The following MEI4 variants were observed in gnomAD, a reference collection of about 807,000 sequenced individuals.
MEI4 encodes meiosis-specific protein MEI4.
A neutral mutation model predicts 31.4 loss-of-function variants in MEI4; 27 were observed. That is an observed-to-expected ratio of 0.86 (90% CI 0.63 to 1.19). The LOEUF is 1.19. MEI4 is among the 50% of genes most tolerant of loss of function. The probability of loss-of-function intolerance (pLI) is 0.00; values close to 1 mark genes in which losing one functional copy is unlikely to be tolerated. For synonymous variants in MEI4, 122 were observed against 145.4 expected (o/e 0.84, Z 1.16); for missense variants, 329 against 398.9 (o/e 0.82, Z 1.49).
intron 3 of MEI4, among the ~76,000 whole-genome samples, chr6:77,826,822 A>G (rs1174273934): frequency 1.3e-5 from 2 of 152,162 alleles, no homozygotes; most frequent in African/African-American, 2.4e-5. Flanking sequence ...TAACTTTACA[A>G]TAATTCACGG....
chr6:77,905,498 T>C lies in MEI4; in HGVS notation c.901-17591T>C, dbSNP rs1359960719. Among the ~76,000 whole-genome samples, 26 of 34,924 alleles carry C rather than the reference T, an allele frequency of 7.4e-4. 1 individual carries two copies. The highest frequency in any genetic ancestry group is 1.1e-3 in the Non-Finnish European group (21 of 18,502). The allele number at this position is 34,924 out of a possible 152,430, so 22.9% of individuals were successfully genotyped here. A position where few individuals can be genotyped will look rare whatever the true frequency, so the allele number is the denominator to read the frequency against. Reference sequence around the variant, plus strand: ...AGCTTTTTTTTTTTTTTTTTTTTTTTTTTTTTTTTTTTTTTTGTGGCAGAG... The same window carrying C: ...AGCTTTTTTTTTTTTTTTTTTTTTTCTTTTTTTTTTTTTTTTGTGGCAGAG... On this transcript the variant is annotated intron_variant, in intron 4 of 4. Transcript: ENST00000684080.
intron 4 of MEI4, among the ~76,000 whole-genome samples, chr6:77,854,721 G>A (rs1025644130): frequency 6.6e-6 from 1 of 152,034 alleles, no homozygotes; most frequent in Non-Finnish European, 1.5e-5. Flanking sequence ...TGTGGTAGTG[G>A]GGTGGTCATA....
intron 3 of MEI4, among the ~76,000 whole-genome samples, chr6:77,765,115 C>A (rs1458035502): frequency 6.6e-6 from 1 of 152,134 alleles, no homozygotes; most frequent in Non-Finnish European, 1.5e-5. Flanking sequence ...AGTTAACTAA[C>A]CTCCAAGTTC....
rs566202960 is a variant in MEI4 at position 77,750,091 on chromosome 6, A to T, written c.233-11039A>T. On this transcript the variant is annotated intron_variant, in intron 2 of 4. Transcript: ENST00000684080. Reference sequence around the variant, plus strand: ...TGCTGAGAGATTTTTGTCATCACCAAGCCTGCCTTATGAGAGCTCCTGAAT... The same window carrying T: ...TGCTGAGAGATTTTTGTCATCACCATGCCTGCCTTATGAGAGCTCCTGAAT... Among the ~76,000 whole-genome samples, 4 of 152,314 alleles carry T rather than the reference A, an allele frequency of 2.6e-5. No individual in the cohort carries two copies. In the East Asian group the frequency reaches 7.7e-4, roughly 29 times the overall value.
At chr6:77,736,382 G>C (rs1412098405) in intron 2 of MEI4, among the ~76,000 whole-genome samples, 2 of 152,080 alleles carry the variant, frequency 1.3e-5, no homozygotes, top group Non-Finnish European at 2.9e-5. Flanking sequence ...ATTTGGGTGG[G>C]AGTGACCCGA....
chr6:77,875,045 C>T (rs561718748), intron 4 of MEI4, among the ~76,000 whole-genome samples: 1 of 152,134 alleles, frequency 6.6e-6, no homozygotes, highest in Admixed American at 6.5e-5. Flanking sequence ...TGGACCTGGT[C>T]ATCTAACCCA....
chr6:77,828,486 C>T (rs950103414), intron 3 of MEI4, among the ~76,000 whole-genome samples: 11 of 152,070 alleles, frequency 7.2e-5, no homozygotes, highest in Admixed American at 5.2e-4. Flanking sequence ...ACAGTTTCAT[C>T]TCAAAATGAT....
intron 2 of MEI4, among the ~76,000 whole-genome samples, chr6:77,710,194 T>G (rs970057731): frequency 3.9e-5 from 6 of 152,186 alleles, no homozygotes; most frequent in Non-Finnish European, 8.8e-5. Flanking sequence ...CCAGGCCTTT[T>G]GTACCTGGAT....
intron 3 of MEI4, among the ~76,000 whole-genome samples, chr6:77,777,701 C>T (rs553226673): frequency 6.6e-6 from 1 of 152,214 alleles, no homozygotes; most frequent in South Asian, 2.1e-4. Context: ...TCAGGATTAG[C>T]AGATATCTAA....
In MEI4 at chr6:77,841,333, A is replaced by ATTTTTTT. The variant is rs1239589008; in HGVS notation, c.900+12288_900+12294dup. 2.2e-3 allele frequency among the ~76,000 whole-genome samples: 60 copies of ATTTTTTT among 27,732 alleles called. 6 individuals are homozygous for ATTTTTTT. Among genetic ancestry groups the ATTTTTTT allele is most frequent in the African/African-American group, 0.016 (50 of 3,074 alleles). 18.2% of individuals were successfully genotyped at this position (27,732 alleles called of 152,430 possible). A position where few individuals can be genotyped will look rare whatever the true frequency, so the allele number is the denominator to read the frequency against. On this transcript the variant is annotated intron_variant, in intron 4 of 4. Coordinates refer to ENST00000684080, the MANE Select transcript of MEI4 (RefSeq NM_001322247.2). ...TGTGTGCATATATATATATATATAT[A>ATTTTTTT]TTTTTTTTTTTTTTTTTTTTTTTGA...
chr6:77,840,000 G>A (rs1412960424), intron 4 of MEI4, among the ~76,000 whole-genome samples: 4 of 152,152 alleles, frequency 2.6e-5, no homozygotes, highest in Admixed American at 2.0e-4. Context: ...TTTAACGCAA[G>A]TATTATAACT....
chr6:77,746,055 A>G (rs1432095012), intron 2 of MEI4, among the ~76,000 whole-genome samples: 9 of 152,228 alleles, frequency 5.9e-5, no homozygotes, highest in Non-Finnish European at 1.2e-4. Flanking sequence ...ATCACAATTA[A>G]AAGAACTAGA....
At chr6:77,779,626 C>A (rs1768542765) in intron 3 of MEI4, among the ~76,000 whole-genome samples, 1 of 152,144 alleles carries the variant, frequency 6.6e-6, no homozygotes. Context: ...TTACTAGTGA[C>A]TGTGAATGTG....
At chr6:77,688,411 G>C (rs1307302794) in intron 1 of MEI4, among the ~76,000 whole-genome samples, 2 of 151,986 alleles carry the variant, frequency 1.3e-5, no homozygotes, top group African/African-American at 4.8e-5. Context: ...TAAATGTTCA[G>C]ACAAATGACC....
intron 4 of MEI4, among the ~76,000 whole-genome samples, chr6:77,849,554 T>C (rs1582212193): frequency 6.6e-6 from 1 of 152,238 alleles, no homozygotes; most frequent in Non-Finnish European, 1.5e-5. Context: ...TGGCATTTTA[T>C]ATAAGCGTTA....
intron 4 of MEI4, among the ~76,000 whole-genome samples, chr6:77,899,432 T>G (rs1430955285): frequency 6.6e-6 from 1 of 152,064 alleles, no homozygotes; most frequent in Non-Finnish European, 1.5e-5. Flanking sequence ...ATCATGGGAT[T>G]GTAGAATTTT....
intron 1 of MEI4, among the ~76,000 whole-genome samples, chr6:77,674,679 C>G (rs545490668): frequency 6.6e-6 from 1 of 152,180 alleles, no homozygotes; most frequent in East Asian, 1.9e-4. Context: ...CAGGATGCAT[C>G]TCTGTCATTA....
At chr6:77,660,912 G>T (rs1768492839) in intron 1 of MEI4, among the ~76,000 whole-genome samples, 1 of 152,128 alleles carries the variant, frequency 6.6e-6, no homozygotes, top group Admixed American at 6.5e-5. Flanking sequence ...AGAACTGATT[G>T]TCCAGCTAGG....
intron 1 of MEI4, among the ~76,000 whole-genome samples, chr6:77,660,254 G>A (rs1768479083): frequency 6.6e-6 from 1 of 152,118 alleles, no homozygotes; most frequent in Admixed American, 6.6e-5. Context: ...GGAGGTAGCT[G>A]GGGAGCGGTA....
Sources: gnomAD v4.1 joint callset for allele counts (sites outside exome capture counted in the v4.1 genomes callset) on GRCh38, gnomAD v4.1.1 for gene constraint, MANE v1.5 for transcripts, NCBI Gene and HGNC (gene_info 2026-07-23, HGNC 2026-07-21) for gene names.